Variants in ANK3 observed in about 807,000 individuals in gnomAD.
ANK3 encodes the protein ankyrin 3, also known as ankyrin-3.
Under a neutral mutation model 370.9 loss-of-function variants are expected in ANK3, and 57 were observed. The ratio of observed to expected loss-of-function variants is 0.15; its 90% CI spans 0.12 to 0.19. ANK3 has a LOEUF of 0.19. Ranked by LOEUF, ANK3 falls within the 10% of genes least tolerant of loss-of-function variation. The probability of loss-of-function intolerance (pLI) is 1.00; values close to 1 mark genes in which losing one functional copy is unlikely to be tolerated. For synonymous variants in ANK3, 1,929 were observed against 1,946.3 expected (o/e 0.99, Z 0.23); for missense variants, 4,439 against 5,302.1 (o/e 0.84, Z 5.06).
chr10:60,077,768 G>A (rs1469276140), intron 36 of ANK3, among the ~76,000 whole-genome samples: 1 of 152,176 alleles, frequency 6.6e-6, no homozygotes, highest in Non-Finnish European at 1.5e-5. Flanking sequence ...TATGTGGGGT[G>A]TGTGTATATA....
intron 2 of ANK3, among the ~76,000 whole-genome samples, chr10:60,502,357 T>C (rs2075822393): frequency 6.6e-6 from 1 of 152,208 alleles, no homozygotes; most frequent in Admixed American, 6.5e-5. Flanking sequence ...ATGTGGAAGC[T>C]AACAAGTGGC....
intron 2 of ANK3, among the ~76,000 whole-genome samples, chr10:60,459,343 C>G (rs947218116): frequency 2.6e-5 from 4 of 152,134 alleles, no homozygotes; most frequent in African/African-American, 9.7e-5. Flanking sequence ...TTTCAAAACC[C>G]TGTATGATCT....
intron 2 of ANK3, among the ~76,000 whole-genome samples, chr10:60,452,410 C>G (rs1264550504): frequency 6.6e-6 from 1 of 152,174 alleles, no homozygotes; most frequent in Non-Finnish European, 1.5e-5. Flanking sequence ...AGAATGGCTG[C>G]TCCCACCTCA....
chr10:60,663,681 A>G (rs2078963834), intron 1 of ANK3, among the ~76,000 whole-genome samples: 1 of 152,238 alleles, frequency 6.6e-6, no homozygotes, highest in South Asian at 2.1e-4. Flanking sequence ...ATGAGAACTT[A>G]TATGTAAAGG....
intron 1 of ANK3, among the ~76,000 whole-genome samples, chr10:60,316,810 C>T (rs900660448): frequency 1.3e-5 from 2 of 151,994 alleles, no homozygotes; most frequent in South Asian, 2.1e-4. Context: ...TGCAGTGGCA[C>T]GATCTCGGCT....
At chr10:60,636,670 T>G (rs2078559426) in intron 1 of ANK3, among the ~76,000 whole-genome samples, 1 of 152,196 alleles carries the variant, frequency 6.6e-6, no homozygotes, top group African/African-American at 2.4e-5. Flanking sequence ...GTGCAATGTC[T>G]ACTGCTTAGA....
chr10:60,169,374 T>TTG (rs2095715421), intron 21 of ANK3, among the ~76,000 whole-genome samples: 1 of 150,426 alleles, frequency 6.6e-6, no homozygotes, highest in Non-Finnish European at 1.5e-5. Context: ...GTTTTTTTTT[T>TTG]TTTTTTTTTT....
At chr10:60,470,234 G>A (rs2065183606) in intron 2 of ANK3, among the ~76,000 whole-genome samples, 1 of 152,024 alleles carries the variant, frequency 6.6e-6, no homozygotes, top group African/African-American at 2.4e-5. Flanking sequence ...ACAGCTCTTT[G>A]TTGTTATTTT....
At chr10:60,158,677 C>CTTTTTTCTT (rs1464394613) in intron 23 of ANK3, among the ~76,000 whole-genome samples, 2 of 49,280 alleles carry the variant, frequency 4.1e-5, no homozygotes, top group African/African-American at 2.6e-4. Context: ...AGAGAAAGCA[C>CTTTTTTCTT]TTTTTTTCTT....
chr10:60,637,005 T>C (rs909350336), intron 1 of ANK3, among the ~76,000 whole-genome samples: 1 of 152,230 alleles, frequency 6.6e-6, no homozygotes, highest in African/African-American at 2.4e-5. Flanking sequence ...AATTCTCCTT[T>C]ATTTCCTACT....
intron 43 of ANK3, among the ~76,000 whole-genome samples, chr10:60,033,768 C>A (rs965799846): frequency 6.6e-6 from 1 of 151,994 alleles, no homozygotes; most frequent in African/African-American, 2.4e-5. Context: ...CCCAATGAAC[C>A]TTTTTTAGGC....
At chr10:60,613,391 G>A (rs566076425) in intron 2 of ANK3, among the ~76,000 whole-genome samples, 70 of 152,246 alleles carry the variant, frequency 4.6e-4, no homozygotes, top group African/African-American at 1.6e-3. Context: ...CTAGATCTAT[G>A]CTCCTGATAA....
intron 2 of ANK3, among the ~76,000 whole-genome samples, chr10:60,594,121 T>C (rs758123966): frequency 5.3e-5 from 8 of 152,232 alleles, no homozygotes; most frequent in Non-Finnish European, 8.8e-5. Context: ...AATTTTCATA[T>C]GAAACATGAG....
At chr10:60,188,125 A>G (rs1043689988) in intron 16 of ANK3, among the ~76,000 whole-genome samples, 2 of 152,194 alleles carry the variant, frequency 1.3e-5, no homozygotes, top group African/African-American at 4.8e-5. Flanking sequence ...AATAACTGCC[A>G]TGTATTAATT....
chr10:60,402,719 T>C (rs894558926), intron 2 of ANK3, among the ~76,000 whole-genome samples: 4 of 152,172 alleles, frequency 2.6e-5, no homozygotes, highest in Admixed American at 6.5e-5. Context: ...TGGGTTAGCC[T>C]GGTAGATAAT....
intron 2 of ANK3, among the ~76,000 whole-genome samples, chr10:60,417,836 A>G (rs1474573117): frequency 1.3e-5 from 2 of 152,200 alleles, no homozygotes; most frequent in Non-Finnish European, 2.9e-5. Flanking sequence ...CCTGCTTAGT[A>G]AACAGGCATT....
At chr10:60,216,523 C>T (rs1467346795) in intron 8 of ANK3, among the ~76,000 whole-genome samples, 1 of 152,122 alleles carries the variant, frequency 6.6e-6, no homozygotes, top group Non-Finnish European at 1.5e-5. Context: ...TTGAGATAAT[C>T]ATGTGGTTTT....
chr10:60,067,513 G>A (rs953756045), intron 38 of ANK3, among the ~76,000 whole-genome samples: 10 of 152,188 alleles, frequency 6.6e-5, no homozygotes, highest in East Asian at 1.9e-4. Context: ...CAGCCTAGGC[G>A]TGGGTTAATT....
At chr10:60,638,274 T>G (rs1231201117) in intron 1 of ANK3, among the ~76,000 whole-genome samples, 1 of 152,146 alleles carries the variant, frequency 6.6e-6, no homozygotes, top group African/African-American at 2.4e-5. Flanking sequence ...GACTTTGTAA[T>G]ACATGCGATA....
Sources: gnomAD v4.1 joint callset for allele counts (sites outside exome capture counted in the v4.1 genomes callset) on GRCh38, gnomAD v4.1.1 for gene constraint, MANE v1.5 for transcripts, NCBI Gene and HGNC (gene_info 2026-07-23, HGNC 2026-07-21) for gene names.